Variants in LRMDA observed in about 807,000 individuals in gnomAD.
LRMDA encodes the protein leucine rich melanocyte differentiation associated.
Under a neutral mutation model 29.8 loss-of-function variants are expected in LRMDA, and 18 were observed. That is an observed-to-expected ratio of 0.60 (90% confidence interval 0.42 to 0.90). LRMDA has a LOEUF of 0.90. Among genes scored for constraint, LRMDA ranks in the 40% least tolerant of loss-of-function variants. The pLI is 0.00. For missense variants in LRMDA, 273 were observed against 273.9 expected (o/e 1.00, Z 0.02); for synonymous variants, 125 against 109.4 (o/e 1.14, Z -0.89).
At chr10:76,355,096 AC>A (rs1395816222) in intron 6 of LRMDA, among the ~76,000 whole-genome samples, 2 of 152,088 alleles carry the variant, frequency 1.3e-5, no homozygotes, top group African/African-American at 2.4e-5. Flanking sequence ...GTGCCCTGGG[AC>A]CTATAAAATA....
chr10:76,001,319 A>G (rs898806181), intron 2 of LRMDA, among the ~76,000 whole-genome samples: 2 of 152,210 alleles, frequency 1.3e-5, no homozygotes, highest in Non-Finnish European at 2.9e-5. Context: ...ACTAGCAAAT[A>G]GGGCCCTTCA....
chr10:76,356,153 A>C (rs568728207), intron 6 of LRMDA, among the ~76,000 whole-genome samples: 1 of 152,216 alleles, frequency 6.6e-6, no homozygotes. Flanking sequence ...GGACAATTGC[A>C]AAGTGTTTTA....
At chr10:75,651,799 G>A (rs1299456753) in intron 2 of LRMDA, among the ~76,000 whole-genome samples, 1 of 152,074 alleles carries the variant, frequency 6.6e-6, no homozygotes, top group East Asian at 1.9e-4. Context: ...ATGATGGTGG[G>A]TTTTTTACAT....
At chr10:76,021,474 C>A (rs1354663202) in intron 2 of LRMDA, among the ~76,000 whole-genome samples, 1 of 152,196 alleles carries the variant, frequency 6.6e-6, no homozygotes, top group Non-Finnish European at 1.5e-5. Flanking sequence ...TACCTACAGA[C>A]AACCCATGGT....
At chr10:76,019,756 A>T (rs1042822736) in intron 2 of LRMDA, among the ~76,000 whole-genome samples, 5 of 152,142 alleles carry the variant, frequency 3.3e-5, no homozygotes, top group African/African-American at 1.2e-4. Context: ...ATTGAAATGC[A>T]ATGTGTCACC....
chr10:75,687,305 G>A (rs534955011), intron 2 of LRMDA, among the ~76,000 whole-genome samples: 3 of 152,326 alleles, frequency 2.0e-5, no homozygotes, highest in East Asian at 3.9e-4. Context: ...AGTTCTTGAA[G>A]GAAATTCAAA....
In LRMDA at chr10:76,200,696, TTTTTTC is replaced by T. The variant is rs543220654; in HGVS notation, c.517-123687_517-123682del. Among the ~76,000 whole-genome samples, 141 of 151,962 alleles carry T rather than the reference TTTTTTC, an allele frequency of 9.3e-4. 2 individuals are homozygous for T. The East Asian group carries it at 0.025, about 27-fold the overall frequency. ...ATTACCAACCACTTTCACGTGTATA[TTTTTTC>T]TTTTTCTTTTTCTTTTTTTTTTTTT... On this transcript the variant is annotated intron_variant, in intron 5 of 6. Coordinates refer to ENST00000611255, the MANE Select transcript of LRMDA (RefSeq NM_001305581.2).
At chr10:76,531,760 A>G (rs1843236485) in intron 6 of LRMDA, among the ~76,000 whole-genome samples, 1 of 151,976 alleles carries the variant, frequency 6.6e-6, no homozygotes, top group Non-Finnish European at 1.5e-5. Context: ...TTTTCTTGTA[A>G]TGTATTTGCC....
chr10:75,850,288 A>G (rs1472963367), intron 2 of LRMDA, among the ~76,000 whole-genome samples: 1 of 152,342 alleles, frequency 6.6e-6, no homozygotes. Context: ...ATTTTATTTG[A>G]GATTTTTAAA....
chr10:75,929,569 G>T (rs1846176239), intron 2 of LRMDA, among the ~76,000 whole-genome samples: 2 of 152,084 alleles, frequency 1.3e-5, no homozygotes, highest in Non-Finnish European at 2.9e-5. Context: ...ACTGTATTAG[G>T]TATTTGTTTT....
At chr10:75,454,063 G>C (rs562367160) in intron 2 of LRMDA, among the ~76,000 whole-genome samples, 73 of 152,244 alleles carry the variant, frequency 4.8e-4, no homozygotes, top group East Asian at 1.2e-3. Context: ...ACAGACGGAG[G>C]GGGCAGGGAA....
At chr10:76,036,820 T>A (rs887071757) in intron 3 of LRMDA, among the ~76,000 whole-genome samples, 1 of 152,146 alleles carries the variant, frequency 6.6e-6, no homozygotes, top group Non-Finnish European at 1.5e-5. Context: ...CAGGGAACCC[T>A]TGCTGCAACC....
rs149792982 is a variant in LRMDA at position 76,324,435 on chromosome 10, G to A, written c.551G>A (p.Arg184His). Residue 184 changes from arginine (R) to histidine (H), a missense_variant, in exon 6 of 7, where the codon CGC (arginine) becomes CAC (histidine). Arg to His is a conservative substitution (Grantham distance 29, BLOSUM62 0). Transcript: ENST00000611255. The stretch of plus-strand genomic sequence containing the variant: ...GAGGACGTTGCCAGCTCCCCGGAGC[G>A]CCACTACACGCCCTTGCCTTCTGCT... ...SSEDVASSPE[R>H]HYTPLPSASR... The A allele has an allele frequency of 1.5e-4, 235 of 1,614,066 alleles. No homozygotes were observed. The African/African-American group carries it at 2.2e-3, about 15-fold the overall frequency.
chr10:75,677,878 G>A (rs1487459774), intron 2 of LRMDA, among the ~76,000 whole-genome samples: 1 of 151,972 alleles, frequency 6.6e-6, no homozygotes, highest in Non-Finnish European at 1.5e-5. Flanking sequence ...CGATTAAGGT[G>A]GTCAAATAAA....
At chr10:76,197,913 C>T (rs1167209717) in intron 5 of LRMDA, among the ~76,000 whole-genome samples, 1 of 151,346 alleles carries the variant, frequency 6.6e-6, no homozygotes, top group South Asian at 2.1e-4. Context: ...GAGAGATACT[C>T]CATTTCAAAA....
chr10:75,814,080 A>G (rs1279095246), intron 2 of LRMDA, among the ~76,000 whole-genome samples: 1 of 152,210 alleles, frequency 6.6e-6, no homozygotes, highest in Non-Finnish European at 1.5e-5. Flanking sequence ...ACATATGTGA[A>G]CCATTTAGGA....
intron 2 of LRMDA, among the ~76,000 whole-genome samples, chr10:76,019,333 G>T (rs189443522): frequency 1.3e-4 from 20 of 152,170 alleles, no homozygotes; most frequent in African/African-American, 4.6e-4. Flanking sequence ...CAAAATTGAT[G>T]GATTCTTGAA....
intron 2 of LRMDA, among the ~76,000 whole-genome samples, chr10:75,936,223 C>T (rs1846290309): frequency 6.6e-6 from 1 of 151,984 alleles, no homozygotes; most frequent in Non-Finnish European, 1.5e-5. Context: ...TAAAAATGTG[C>T]ATATGTGGAT....
chr10:76,196,199 A>G (rs1476391602), intron 5 of LRMDA, among the ~76,000 whole-genome samples: 1 of 152,222 alleles, frequency 6.6e-6, no homozygotes, highest in Admixed American at 6.5e-5. Context: ...GAAGTGAAAC[A>G]TTTAGTGTTT....
Sources: allele counts gnomAD v4.1 joint callset (sites outside exome capture counted in the v4.1 genomes callset), GRCh38; gene constraint gnomAD v4.1.1; transcripts MANE v1.5; gene names NCBI Gene and HGNC (gene_info 2026-07-23, HGNC 2026-07-21).